Variants in NLRP2B observed in about 807,000 individuals in gnomAD.
NLRP2B encodes the protein NLR family pyrin domain containing 2B.
For synonymous variants in NLRP2B, 16 were observed against 3.5 expected (o/e 4.63, Z -4.03); for missense variants, 25 against 6.8 (o/e 3.70, Z -3.00).
chrX:57,679,667 C>A lies in NLRP2B; in HGVS notation c.*456G>T. ...GTGTGTGGGCAGGGCCCGGGAAGCACCCTGGGGTTGCTGAACGGGATCAGC... is the reference window on the plus strand; with the variant it reads ...GTGTGTGGGCAGGGCCCGGGAAGCAACCTGGGGTTGCTGAACGGGATCAGC... On this transcript the variant is annotated 3_prime_UTR_variant, in exon 1 of 1. Transcript: ENST00000434992. 4 of 455,229 alleles carry A rather than the reference C, an allele frequency of 8.8e-6. No individual in the cohort carries two copies. The highest frequency in any genetic ancestry group is 1.6e-5 in the Non-Finnish European group (4 of 253,847). The allele number at this position is 455,229 out of a possible 1,213,427, so 37.5% of individuals were successfully genotyped here.
rs1478926701 is a variant in NLRP2B, at chrX:57,679,688, T to C, written c.*435A>G. 1.8e-5 allele frequency: 8 copies of C among 443,323 alleles called. No homozygotes were observed. The highest frequency in any genetic ancestry group is 4.5e-4 in the Middle Eastern group (1 of 2,241). 36.5% of individuals were successfully genotyped at this position (443,323 alleles called of 1,213,427 possible). On this transcript the variant is annotated 3_prime_UTR_variant, in exon 1 of 1. Transcript: ENST00000434992. ...AGCACCCTGGGGTTGCTGAACGGGA[T>C]CAGCATCTTGTATCTCTGAGCCATA...
At position 57,678,769 on chromosome X, in the gene NLRP2B, A is replaced by T. The variant is rs186410937; in HGVS notation, c.*1354T>A. On this transcript the variant is annotated 3_prime_UTR_variant, in exon 1 of 1. Coordinates refer to ENST00000434992, the MANE Select transcript of NLRP2B (RefSeq NM_001319967.1). ...GAAAAACTGCTGGAAGCTGAGGTGGATGTAGGAATAGCAGCCTTTAGAGAC... is the reference window on the plus strand; with the variant it reads ...GAAAAACTGCTGGAAGCTGAGGTGGTTGTAGGAATAGCAGCCTTTAGAGAC... 5.1e-6 allele frequency: 2 copies of T among 395,423 alleles called. No homozygotes were observed. The highest frequency in any genetic ancestry group is 5.0e-5 in the African/African-American group (2 of 39,705). The allele number at this position is 395,423 out of a possible 1,213,427, so 32.6% of individuals were successfully genotyped here. A position where few individuals can be genotyped will look rare whatever the true frequency, so the allele number is the denominator to read the frequency against.
chrX:57,679,999 C>G lies in NLRP2B; in HGVS notation c.*124G>C, dbSNP rs2011757262. The G allele has an allele frequency of 9.1e-6, 3 of 329,318 alleles. No homozygotes were observed. Among genetic ancestry groups the G allele is most frequent in the South Asian group, 2.6e-4 (2 of 7,593 alleles). 27.1% of individuals were successfully genotyped at this position (329,318 alleles called of 1,213,427 possible). On this transcript the variant is annotated 3_prime_UTR_variant, in exon 1 of 1. Coordinates refer to ENST00000434992, the MANE Select transcript of NLRP2B (RefSeq NM_001319967.1). ...GTGTCTTCTCTGAGTTCATCCTTTA[C>G]TTTCTCAGACAGATCCGCTCGGTGC...
In NLRP2B at chrX:57,680,134, G is replaced by A. The variant is rs1171533160; in HGVS notation, c.127C>T (p.Pro43Ser). ...VSLGNELQKIPQT is the reference protein window; with the variant it reads ...VSLGNELQKISQT ...TCAGCCTTGTCTACCTATGTCTGGG[G>A]GATCTTTTGCAGCTCATTTCCCAGG... is the stretch of plus-strand genomic sequence containing the variant. The change falls in exon 1 of 1, where the codon CCC becomes TCC. Residue 43 changes from proline to serine, a missense_variant. By Grantham distance (74) the Pro-to-Ser change is moderately conservative. Coordinates refer to ENST00000434992, the MANE Select transcript of NLRP2B (RefSeq NM_001319967.1). 4.5e-6 allele frequency: 2 copies of A among 442,710 alleles called. No individual in the cohort carries two copies. Among genetic ancestry groups the A allele is most frequent in the Non-Finnish European group, 8.1e-6 (2 of 247,935 alleles). 36.5% of individuals were successfully genotyped at this position (442,710 alleles called of 1,213,427 possible).
chrX:57,678,740 C>G lies in NLRP2B; in HGVS notation c.*1383G>C. ...TCCTTCTCCAGGGCGTGGAACAGCA[C>G]AGTGAAAAACTGCTGGAAGCTGAGG... On this transcript the variant is annotated 3_prime_UTR_variant, in exon 1 of 1. Transcript: ENST00000434992. 1 of 404,093 alleles carries G rather than the reference C, an allele frequency of 2.5e-6. No homozygotes were observed. Among genetic ancestry groups the G allele is most frequent in the Non-Finnish European group, 4.6e-6 (1 of 216,790 alleles). 33.3% of individuals were successfully genotyped at this position (404,093 alleles called of 1,213,427 possible).
In NLRP2B at chrX:57,678,622, G is replaced by C. The variant is rs775551229; in HGVS notation, c.*1501C>G. ...GAAGTGTCTTGCTTGGATCAGGTCG[G>C]GGTTCTTGAGTCTTTCTTCTCTAGA... On this transcript the variant is annotated 3_prime_UTR_variant, in exon 1 of 1. Coordinates refer to ENST00000434992, the MANE Select transcript of NLRP2B (RefSeq NM_001319967.1). 8.9e-6 allele frequency: 4 copies of C among 447,395 alleles called. No individual in the cohort carries two copies. In the East Asian group the frequency reaches 1.6e-4, roughly 18 times the overall value. The allele number at this position is 447,395 out of a possible 1,213,427, so 36.9% of individuals were successfully genotyped here.
chrX:57,679,100 G>A lies in NLRP2B; in HGVS notation c.*1023C>T, dbSNP rs930267708. 4.4e-6 allele frequency: 2 copies of A among 449,621 alleles called. No homozygotes were observed. The highest frequency in any genetic ancestry group is 2.4e-5 in the African/African-American group (1 of 41,747). The allele number at this position is 449,621 out of a possible 1,213,427, so 37.1% of individuals were successfully genotyped here. ...CCGAGACAGGCTGGAACAGGGCCGC[G>A]TTTCTTCTCATCAGCTCAAAGGCAC... On this transcript the variant is annotated 3_prime_UTR_variant, in exon 1 of 1. Coordinates refer to ENST00000434992, the MANE Select transcript of NLRP2B (RefSeq NM_001319967.1).
chrX:57,679,752 C>T lies in NLRP2B; in HGVS notation c.*371G>A. Reference sequence around the variant, plus strand: ...TGAGGTCTCCAGGCCAGGTTTTCCACATTTGCCAGAACTTCGTCTTCAATA... The same window carrying T: ...TGAGGTCTCCAGGCCAGGTTTTCCATATTTGCCAGAACTTCGTCTTCAATA... On this transcript the variant is annotated 3_prime_UTR_variant, in exon 1 of 1. Coordinates refer to ENST00000434992, the MANE Select transcript of NLRP2B (RefSeq NM_001319967.1). The T allele has an allele frequency of 2.6e-6, 1 of 381,786 alleles. No individual in the cohort carries two copies. The allele number at this position is 381,786 out of a possible 1,213,427, so 31.5% of individuals were successfully genotyped here.
Position 57,677,186 on chromosome X carries a change from C to T in NLRP2B, c.*2937G>A, listed in dbSNP as rs913222358. The T allele has an allele frequency of 2.7e-6, 1 of 365,982 alleles. No individual in the cohort carries two copies. The highest frequency in any genetic ancestry group is 5.4e-6 in the Non-Finnish European group (1 of 186,650). The allele number at this position is 365,982 out of a possible 1,213,427, so 30.2% of individuals were successfully genotyped here. ...TCTTCCAGCAGCTTATCGAGTTCAA[C>T]ATTAAAGTCATCTATTTTCAACCTG... On this transcript the variant is annotated 3_prime_UTR_variant, in exon 1 of 1. Transcript: ENST00000434992.
In NLRP2B at chrX:57,678,371, G is replaced by T. The variant is rs1755485306; in HGVS notation, c.*1752C>A. On this transcript the variant is annotated 3_prime_UTR_variant, in exon 1 of 1. Transcript: ENST00000434992. ...AGCATAATGTCTACTGCATTTAAGTGCAGGGATATTTCTTTGAACGGAGCC... is the reference window on the plus strand; with the variant it reads ...AGCATAATGTCTACTGCATTTAAGTTCAGGGATATTTCTTTGAACGGAGCC... 1.9e-6 allele frequency: 1 copy of T among 525,846 alleles called. No homozygotes were observed. The highest frequency in any genetic ancestry group is 2.3e-5 in the African/African-American group (1 of 43,734). 43.3% of individuals were successfully genotyped at this position (525,846 alleles called of 1,213,427 possible).
In NLRP2B at chrX:57,677,992, A is replaced by G. The variant is rs2011724011; in HGVS notation, c.*2131T>C. 4.2e-6 allele frequency: 2 copies of G among 477,030 alleles called. No individual in the cohort carries two copies. Among genetic ancestry groups the G allele is most frequent in the Non-Finnish European group, 7.7e-6 (2 of 260,283 alleles). 39.3% of individuals were successfully genotyped at this position (477,030 alleles called of 1,213,427 possible). On this transcript the variant is annotated 3_prime_UTR_variant, in exon 1 of 1. Transcript: ENST00000434992. Reference sequence around the variant, plus strand: ...ATTGCCTTGAAGGGTCAGATATCTTACAGTCTTGTGACCTCAAAGAGCTAG... The same window carrying G: ...ATTGCCTTGAAGGGTCAGATATCTTGCAGTCTTGTGACCTCAAAGAGCTAG...
chrX:57,677,380 C>A lies in NLRP2B; in HGVS notation c.*2743G>T, dbSNP rs913254917. The A allele has an allele frequency of 8.4e-6, 3 of 357,045 alleles. No homozygotes were observed. The highest frequency in any genetic ancestry group is 7.8e-5 in the African/African-American group (3 of 38,384). 29.4% of individuals were successfully genotyped at this position (357,045 alleles called of 1,213,427 possible). A position where few individuals can be genotyped will look rare whatever the true frequency, so the allele number is the denominator to read the frequency against. On this transcript the variant is annotated 3_prime_UTR_variant, in exon 1 of 1. Coordinates refer to ENST00000434992, the MANE Select transcript of NLRP2B (RefSeq NM_001319967.1). Reference sequence around the variant, plus strand: ...CAGAGGGATGGAACACCCCCACAACCACAGACATCTCAAGTTACACAGTGG... The same window carrying A: ...CAGAGGGATGGAACACCCCCACAACAACAGACATCTCAAGTTACACAGTGG...
At position 57,678,441 on chromosome X, in the gene NLRP2B, G is replaced by A; in HGVS notation, c.*1682C>T. On this transcript the variant is annotated 3_prime_UTR_variant, in exon 1 of 1. Coordinates refer to ENST00000434992, the MANE Select transcript of NLRP2B (RefSeq NM_001319967.1). ...CCTCCTCCTGAGACTCGTACAGACA[G>A]CACAAGAGCTCCTTCGGGTTCATCA... The A allele has an allele frequency of 3.8e-6, 2 of 520,483 alleles. No homozygotes were observed. Among genetic ancestry groups the A allele is most frequent in the Non-Finnish European group, 7.1e-6 (2 of 282,631 alleles). The allele number at this position is 520,483 out of a possible 1,213,427, so 42.9% of individuals were successfully genotyped here.
Position 57,678,342 on chromosome X carries a change from A to T in NLRP2B, c.*1781T>A. The T allele has an allele frequency of 3.7e-6, 2 of 535,353 alleles. No homozygotes were observed. Among genetic ancestry groups the T allele is most frequent in the Non-Finnish European group, 6.9e-6 (2 of 289,893 alleles). The allele number at this position is 535,353 out of a possible 1,213,427, so 44.1% of individuals were successfully genotyped here. A position where few individuals can be genotyped will look rare whatever the true frequency, so the allele number is the denominator to read the frequency against. On this transcript the variant is annotated 3_prime_UTR_variant, in exon 1 of 1. Coordinates refer to ENST00000434992, the MANE Select transcript of NLRP2B (RefSeq NM_001319967.1). ...TTCGACAATGCTTGAGGCAGATTGA[A>T]AACAGCATAATGTCTACTGCATTTA...
Position 57,678,931 on chromosome X carries a change from C to A in NLRP2B, c.*1192G>T, listed in dbSNP as rs1420185808. The A allele has an allele frequency of 2.1e-5, 9 of 419,789 alleles. No individual in the cohort carries two copies. Among genetic ancestry groups the A allele is most frequent in the Non-Finnish European group, 3.2e-5 (8 of 246,590 alleles). The allele number at this position is 419,789 out of a possible 1,213,427, so 34.6% of individuals were successfully genotyped here. Reference sequence around the variant, plus strand: ...CTGTGCCGCCAGGAGGCTCAGCGCCCGCAGCACGCCCCAGAGCTGTGCGCC... The same window carrying A: ...CTGTGCCGCCAGGAGGCTCAGCGCCAGCAGCACGCCCCAGAGCTGTGCGCC... On this transcript the variant is annotated 3_prime_UTR_variant, in exon 1 of 1. Transcript: ENST00000434992.
Position 57,677,895 on chromosome X carries a change from C to A in NLRP2B, c.*2228G>T. The A allele has an allele frequency of 4.7e-6, 2 of 429,895 alleles. No homozygotes were observed. Among genetic ancestry groups the A allele is most frequent in the South Asian group, 6.0e-5 (2 of 33,523 alleles). 35.4% of individuals were successfully genotyped at this position (429,895 alleles called of 1,213,427 possible). A position where few individuals can be genotyped will look rare whatever the true frequency, so the allele number is the denominator to read the frequency against. On this transcript the variant is annotated 3_prime_UTR_variant, in exon 1 of 1. Coordinates refer to ENST00000434992, the MANE Select transcript of NLRP2B (RefSeq NM_001319967.1). ...AAGTGGTGGTGGAAAAAGACACCAA[C>A]CCGAGATATTGCAGGTTACATTTTG...
In NLRP2B at chrX:57,679,583, G is replaced by C. The variant is rs1358961938; in HGVS notation, c.*540C>G. 1.9e-6 allele frequency: 1 copy of C among 518,982 alleles called. No individual in the cohort carries two copies. The highest frequency in any genetic ancestry group is 3.4e-5 in the East Asian group (1 of 29,024). 42.8% of individuals were successfully genotyped at this position (518,982 alleles called of 1,213,427 possible). A position where few individuals can be genotyped will look rare whatever the true frequency, so the allele number is the denominator to read the frequency against. On this transcript the variant is annotated 3_prime_UTR_variant, in exon 1 of 1. Transcript: ENST00000434992. ...CTGAGGTTGTCCTCTGCCCAGTCCA[G>C]CATTAATTTCTTGGCCAGCGTGGTT...
chrX:57,678,870 C>A lies in NLRP2B; in HGVS notation c.*1253G>T. 2.7e-6 allele frequency: 1 copy of A among 373,522 alleles called. No homozygotes were observed. The highest frequency in any genetic ancestry group is 3.7e-5 in the Admixed American group (1 of 26,932). 30.8% of individuals were successfully genotyped at this position (373,522 alleles called of 1,213,427 possible). ...CCTGCACCCCGAGCCTCGCCAAGTC[C>A]TCTCCACGGAACACTGACATCTGCG... is the stretch of plus-strand genomic sequence containing the variant. On this transcript the variant is annotated 3_prime_UTR_variant, in exon 1 of 1. Transcript: ENST00000434992.
chrX:57,679,244 G>A lies in NLRP2B; in HGVS notation c.*879C>T. ...CCACCAACAGCCGGAGGTCTCTCAG[G>A]GCCCGCAGGCCACGTGGTGACCAGC... On this transcript the variant is annotated 3_prime_UTR_variant, in exon 1 of 1. Transcript: ENST00000434992. 1 of 452,502 alleles carries A rather than the reference G, an allele frequency of 2.2e-6. No individual in the cohort carries two copies. The highest frequency in any genetic ancestry group is 2.9e-5 in the South Asian group (1 of 34,172). 37.3% of individuals were successfully genotyped at this position (452,502 alleles called of 1,213,427 possible).
Sources: gnomAD v4.1 joint callset for allele counts on GRCh38, gnomAD v4.1.1 for gene constraint, MANE v1.5 for transcripts, NCBI Gene and HGNC (gene_info 2026-07-23, HGNC 2026-07-21) for gene names.